Variants in LRRTM4 observed in about 807,000 individuals in gnomAD.
LRRTM4 encodes leucine rich repeat transmembrane neuronal 4.
Under a neutral mutation model 47.6 loss-of-function variants are expected in LRRTM4, and 25 were observed. The observed-to-expected ratio is 0.53, with a 90% CI of 0.38 to 0.73. The LOEUF is 0.73. Among genes scored for constraint, LRRTM4 ranks in the 30% least tolerant of loss-of-function variants. The pLI, the probability that LRRTM4 is intolerant of heterozygous loss-of-function variation, is 0.00. For synonymous variants in LRRTM4, 311 were observed against 269.5 expected (o/e 1.15, Z -1.51); for missense variants, 638 against 713.4 (o/e 0.89, Z 1.20).
At chr2:76,964,791 T>TA (rs1453895377) in intron 3 of LRRTM4, among the ~76,000 whole-genome samples, 1 of 149,230 alleles carries the variant, frequency 6.7e-6, no homozygotes, top group Non-Finnish European at 1.5e-5. Flanking sequence ...AGCAATGAAA[T>TA]AAAAAACAAT....
chr2:77,276,268 C>T (rs1676346228), intron 3 of LRRTM4, among the ~76,000 whole-genome samples: 1 of 146,176 alleles, frequency 6.8e-6, no homozygotes, highest in Non-Finnish European at 1.5e-5. Flanking sequence ...GGAAACACTG[C>T]AATGTAAAAA....
chr2:76,951,464 TAAAGA>T (rs1675491313), intron 3 of LRRTM4, among the ~76,000 whole-genome samples: 1 of 152,014 alleles, frequency 6.6e-6, no homozygotes, highest in Non-Finnish European at 1.5e-5. Flanking sequence ...CTCTATTAAT[TAAAGA>T]AAAGCAGGTC....
At chr2:77,255,548 A>G (rs1169921074) in intron 3 of LRRTM4, among the ~76,000 whole-genome samples, 4 of 152,066 alleles carry the variant, frequency 2.6e-5, no homozygotes, top group Admixed American at 6.6e-5. Context: ...ATATTGAAAC[A>G]CATTGAAATT....
At chr2:77,085,720 T>C (rs1424209816) in intron 3 of LRRTM4, among the ~76,000 whole-genome samples, 2 of 152,216 alleles carry the variant, frequency 1.3e-5, no homozygotes, top group Non-Finnish European at 2.9e-5. Flanking sequence ...TCAAAAGTGG[T>C]GTCATATTCT....
chr2:77,207,538 T>C (rs940100465), intron 3 of LRRTM4, among the ~76,000 whole-genome samples: 4 of 151,838 alleles, frequency 2.6e-5, no homozygotes, highest in Non-Finnish European at 4.4e-5. Flanking sequence ...CTGTGACTTA[T>C]TGTTCATTGC....
intron 3 of LRRTM4, among the ~76,000 whole-genome samples, chr2:77,125,865 C>G (rs1315519857): frequency 1.3e-5 from 2 of 150,874 alleles, no homozygotes; most frequent in Non-Finnish European, 3.0e-5. Context: ...TACACACACA[C>G]ATAAATGTGT....
At chr2:77,134,239 C>A (rs1167606829) in intron 3 of LRRTM4, among the ~76,000 whole-genome samples, 1 of 151,914 alleles carries the variant, frequency 6.6e-6, no homozygotes, top group Non-Finnish European at 1.5e-5. Flanking sequence ...TCAAATTGGC[C>A]AGATTAAATT....
At chr2:76,931,008 T>C (rs889970541) in intron 3 of LRRTM4, among the ~76,000 whole-genome samples, 1 of 152,148 alleles carries the variant, frequency 6.6e-6, no homozygotes, top group African/African-American at 2.4e-5. Context: ...TTGTGGCTCA[T>C]AGACCTTGTA....
At chr2:77,440,363 A>G (rs113617520) in intron 3 of LRRTM4, among the ~76,000 whole-genome samples, 4 of 152,232 alleles carry the variant, frequency 2.6e-5, no homozygotes, top group Admixed American at 6.5e-5. Context: ...GCAGTGAGCC[A>G]AGATCGTGCC....
chr2:77,162,881 G>A (rs1475125721), intron 3 of LRRTM4, among the ~76,000 whole-genome samples: 2 of 152,196 alleles, frequency 1.3e-5, no homozygotes, highest in Admixed American at 6.5e-5. Context: ...AACCAGAGCA[G>A]AAAAGCTGAA....
At chr2:77,498,080 T>C (rs963103336) in intron 3 of LRRTM4, among the ~76,000 whole-genome samples, 1 of 152,032 alleles carries the variant, frequency 6.6e-6, no homozygotes, top group East Asian at 1.9e-4. Flanking sequence ...GACTTCAAAA[T>C]GTTTCTGAAG....
At chr2:76,879,531 A>G (rs866507514) in intron 3 of LRRTM4, among the ~76,000 whole-genome samples, 10 of 152,314 alleles carry the variant, frequency 6.6e-5, no homozygotes, top group South Asian at 4.1e-4. Context: ...TGCTTTCAAA[A>G]TATTACTGCT....
intron 3 of LRRTM4, among the ~76,000 whole-genome samples, chr2:76,845,559 G>A (rs138686740): frequency 9.9e-5 from 15 of 152,280 alleles, no homozygotes; most frequent in African/African-American, 1.7e-4. Context: ...GCTGGAAAGG[G>A]ATGGGACCTG....
At chr2:77,517,333 A>C in intron 3 of LRRTM4, 2 of 983,632 alleles carry the variant, frequency 2.0e-6, no homozygotes, top group South Asian at 4.7e-5. Flanking sequence ...GAGGATACCC[A>C]GAACTCAAAC....
intron 3 of LRRTM4, among the ~76,000 whole-genome samples, chr2:76,812,649 A>G (rs577425606): frequency 4.9e-5 from 7 of 144,316 alleles, no homozygotes; most frequent in Non-Finnish European, 9.1e-5. Flanking sequence ...ACACTTTCCT[A>G]TGAAGGAGAC....
At chr2:76,941,790 T>C (rs1265518456) in intron 3 of LRRTM4, among the ~76,000 whole-genome samples, 2 of 152,296 alleles carry the variant, frequency 1.3e-5, no homozygotes, top group Admixed American at 6.5e-5. Flanking sequence ...CATGTGTCTT[T>C]AGAGTAGAAT....
At chr2:77,103,647 G>GTATA (rs367583554) in intron 3 of LRRTM4, among the ~76,000 whole-genome samples, 3,948 of 124,004 alleles carry the variant, frequency 0.032, 66 homozygotes, top group Non-Finnish European at 0.041. Flanking sequence ...ATACATGAGT[G>GTATA]TATATATATA....
intron 3 of LRRTM4, among the ~76,000 whole-genome samples, chr2:77,062,669 CTCTCTG>C (rs746765934): frequency 9.2e-5 from 14 of 151,878 alleles, no homozygotes; most frequent in African/African-American, 2.7e-4. Flanking sequence ...CCTTTTTTTT[CTCTCTG>C]TCTCTGTCTC....
At chr2:77,189,882 AACTG>A (rs1305342291) in intron 3 of LRRTM4, among the ~76,000 whole-genome samples, 4 of 152,154 alleles carry the variant, frequency 2.6e-5, no homozygotes, top group Non-Finnish European at 5.9e-5. Flanking sequence ...ACACATATAT[AACTG>A]ACTAGCTTTT....
Sources: gnomAD v4.1 joint callset for allele counts (sites outside exome capture counted in the v4.1 genomes callset) on GRCh38, gnomAD v4.1.1 for gene constraint, MANE v1.5 for transcripts, NCBI Gene and HGNC (gene_info 2026-07-23, HGNC 2026-07-21) for gene names.